The following MAGI2 variants were observed in gnomAD, a reference collection of about 807,000 sequenced individuals.
MAGI2 encodes membrane associated guanylate kinase, WW and PDZ domain containing 2.
Under a neutral mutation model 133.3 loss-of-function variants are expected in MAGI2, and 35 were observed. The observed-to-expected ratio is 0.26, with a 90% confidence interval of 0.20 to 0.35. The LOEUF (loss-of-function observed/expected upper bound fraction) is 0.35. Ranked by LOEUF, MAGI2 falls within the 10% of genes least tolerant of loss-of-function variation. The probability of loss-of-function intolerance (pLI) is 1.00; values close to 1 mark genes in which losing one functional copy is unlikely to be tolerated. For missense variants in MAGI2, 1,636 were observed against 1,863.4 expected, an observed-to-expected ratio of 0.88 and a Z score of 2.25; for synonymous variants, 729 against 710.6, an observed-to-expected ratio of 1.03 and a Z score of -0.41.
chr7:78,404,399 T>C (rs866584692), intron 6 of MAGI2, among the ~76,000 whole-genome samples: 2 of 152,188 alleles, frequency 1.3e-5, no homozygotes, highest in South Asian at 4.2e-4. Context: ...GGAGGCATCA[T>C]GCTACCTGAC....
chr7:78,488,763 C>T (rs1352710057), intron 6 of MAGI2, among the ~76,000 whole-genome samples: 2 of 151,930 alleles, frequency 1.3e-5, no homozygotes, highest in Admixed American at 6.6e-5. Context: ...TTAACTCAGT[C>T]CCTAGCCTGT....
chr7:79,051,683 T>C (rs567947656), intron 1 of MAGI2, among the ~76,000 whole-genome samples: 2 of 152,286 alleles, frequency 1.3e-5, no homozygotes, highest in African/African-American at 4.8e-5. Context: ...ACAAATATGT[T>C]TCAGAATTAA....
At chr7:79,189,958 A>C (rs79081567) in intron 1 of MAGI2, among the ~76,000 whole-genome samples, 3,996 of 151,650 alleles carry the variant, frequency 0.026, 226 homozygotes, top group African/African-American at 0.092. Flanking sequence ...TTAATTATTT[A>C]TTTCTTTTTC....
chr7:78,043,556 A>G (rs190637377), intron 21 of MAGI2, among the ~76,000 whole-genome samples: 51 of 152,348 alleles, frequency 3.3e-4, no homozygotes, highest in African/African-American at 1.1e-3. Context: ...ACAAAGCTGG[A>G]TTTGGGATTC....
chr7:78,029,021 T>C (rs1367400319), intron 21 of MAGI2, among the ~76,000 whole-genome samples: 3 of 152,156 alleles, frequency 2.0e-5, no homozygotes, highest in Non-Finnish European at 2.9e-5. Flanking sequence ...TACTCTGTTA[T>C]ATTAATAACC....
At chr7:78,676,065 G>C (rs1814992564) in intron 2 of MAGI2, among the ~76,000 whole-genome samples, 1 of 152,092 alleles carries the variant, frequency 6.6e-6, no homozygotes, top group Non-Finnish European at 1.5e-5. Context: ...CAAGGGCAAT[G>C]TCAATAGCAA....
At chr7:79,412,474 G>A (rs1296856876) in intron 1 of MAGI2, 4 of 152,122 alleles carry the variant, frequency 2.6e-5, no homozygotes, top group Admixed American at 2.0e-4. Context: ...GTCCCATTGT[G>A]TCGTGGCTAA....
chr7:78,426,857 G>C (rs1419688355), intron 6 of MAGI2, among the ~76,000 whole-genome samples: 4 of 152,074 alleles, frequency 2.6e-5, no homozygotes, highest in Admixed American at 1.3e-4. Context: ...CAAATACAAG[G>C]AGAAATTTTG....
At chr7:78,138,877 C>T (rs2150551099) in intron 16 of MAGI2, among the ~76,000 whole-genome samples, 1 of 152,246 alleles carries the variant, frequency 6.6e-6, no homozygotes, top group East Asian at 1.9e-4. Context: ...TGGGGTTATT[C>T]CTTTCTTTTT....
intron 1 of MAGI2, among the ~76,000 whole-genome samples, chr7:79,361,538 A>G (rs1305746871): frequency 2.0e-5 from 3 of 152,144 alleles, no homozygotes; most frequent in Non-Finnish European, 4.4e-5. Context: ...AGGCAGAGAC[A>G]CAGGCAGCTG....
At position 78,806,546 on chromosome 7, in the gene MAGI2, T is replaced by C. The variant is rs577303974; in HGVS notation, c.419-179307A>G. Among the ~76,000 whole-genome samples, 24 of 152,208 alleles carry C rather than the reference T, an allele frequency of 1.6e-4. No individual in the cohort carries two copies. In the South Asian group the frequency reaches 4.4e-3, roughly 28 times the overall value. ...GTTTATATTTGTTTGAAAAATGTTT[T>C]ATTTATGACACAATTTTACTTCATA... On this transcript the variant is annotated intron_variant, in intron 2 of 21. Transcript: ENST00000354212.
At chr7:78,832,048 T>C (rs533622563) in intron 2 of MAGI2, among the ~76,000 whole-genome samples, 28 of 152,244 alleles carry the variant, frequency 1.8e-4, no homozygotes, top group Admixed American at 1.3e-4. Flanking sequence ...CCTTTTAAAA[T>C]GTTTTTCAGA....
intron 1 of MAGI2, among the ~76,000 whole-genome samples, chr7:79,016,798 G>T (rs1225772357): frequency 6.6e-6 from 1 of 152,104 alleles, no homozygotes; most frequent in East Asian, 1.9e-4. Flanking sequence ...CCACCCCTAT[G>T]CCAATATTGC....
intron 1 of MAGI2, among the ~76,000 whole-genome samples, chr7:79,148,231 T>C (rs888958923): frequency 6.6e-6 from 1 of 152,108 alleles, no homozygotes; most frequent in African/African-American, 2.4e-5. Context: ...ACAGAGAGAA[T>C]GTGGGATGTT....
chr7:79,173,915 T>A (rs115000439), intron 1 of MAGI2, among the ~76,000 whole-genome samples: 1 of 152,032 alleles, frequency 6.6e-6, no homozygotes, highest in African/African-American at 2.4e-5. Context: ...ATTCAGTGTG[T>A]CATATTTTCC....
chr7:78,544,203 C>T (rs945840400), intron 3 of MAGI2, among the ~76,000 whole-genome samples: 1 of 152,234 alleles, frequency 6.6e-6, no homozygotes, highest in African/African-American at 2.4e-5. Context: ...AAGTTATTAT[C>T]AACAGACAGC....
chr7:78,685,624 A>C (rs934987802), intron 2 of MAGI2, among the ~76,000 whole-genome samples: 4 of 147,536 alleles, frequency 2.7e-5, no homozygotes, highest in Admixed American at 1.4e-4. Flanking sequence ...ACTGAAAGTC[A>C]TTATATATAC....
In MAGI2 at chr7:79,288,053, CAT is replaced by C. The variant is rs1403778769; in HGVS notation, c.301+164965_301+164966del. Among the ~76,000 whole-genome samples the C allele has an allele frequency of 5.3e-5, 8 of 152,072 alleles. 1 individual carries two copies. ...TCTATCTCACCTATATTTATCAACG[CAT>C]ATATATGTGTGTGTTTATATATGCA... On this transcript the variant is annotated intron_variant, in intron 1 of 21. Transcript: ENST00000354212.
intron 1 of MAGI2, among the ~76,000 whole-genome samples, chr7:79,121,565 C>G (rs990356944): frequency 6.6e-6 from 1 of 152,038 alleles, no homozygotes; most frequent in Non-Finnish European, 1.5e-5. Context: ...AGTGGGATGA[C>G]CCCCAGCTAC....
Sources: allele counts gnomAD v4.1 joint callset (sites outside exome capture counted in the v4.1 genomes callset), GRCh38; gene constraint gnomAD v4.1.1; transcripts MANE v1.5; gene names NCBI Gene and HGNC (gene_info 2026-07-23, HGNC 2026-07-21).